Variants in GABRB3 observed in about 807,000 individuals in gnomAD.
GABRB3 encodes gamma-aminobutyric acid receptor subunit beta-3.
A neutral mutation model predicts 52.1 loss-of-function variants in GABRB3; 14 were observed. The observed-to-expected ratio is 0.27, with a 90% CI of 0.18 to 0.42. The LOEUF (loss-of-function observed/expected upper bound fraction) is 0.42, where lower values mean the gene tolerates loss of function less well. GABRB3 is among the 10% of genes least tolerant of loss of function. The pLI is 1.00. For missense variants in GABRB3, 307 were observed against 609.1 expected, an observed-to-expected ratio of 0.50 and a Z score of 5.22; for synonymous variants, 260 against 232.3, an observed-to-expected ratio of 1.12 and a Z score of -1.08.
intron 3 of GABRB3, among the ~76,000 whole-genome samples, chr15:26,748,993 C>G (rs1233135012): frequency 1.3e-5 from 2 of 151,638 alleles, no homozygotes; most frequent in African/African-American, 4.8e-5. Context: ...TTACTGCACT[C>G]CAGCCTGGGC....
chr15:26,717,824 T>G lies in GABRB3; in HGVS notation c.240+54578A>C, dbSNP rs2140138483. Among the ~76,000 whole-genome samples the G allele has an allele frequency of 1.3e-5, 2 of 152,334 alleles. 1 individual carries two copies. The highest frequency in any genetic ancestry group is 4.1e-4 in the South Asian group (2 of 4,820). On this transcript the variant is annotated intron_variant, in intron 3 of 8. Transcript: ENST00000311550. ...GGTATTTGGCGTTAACCAAGAGAAC[T>G]CAACAGCTGTAACAAATCCAAGCAT...
At chr15:26,627,957 T>C (rs1198590555) in intron 3 of GABRB3, among the ~76,000 whole-genome samples, 3 of 152,222 alleles carry the variant, frequency 2.0e-5, no homozygotes, top group Admixed American at 1.3e-4. Flanking sequence ...AATTTCATTG[T>C]TGTCTTAAAC....
At chr15:26,690,260 G>A (rs1021729975) in intron 3 of GABRB3, among the ~76,000 whole-genome samples, 3 of 151,790 alleles carry the variant, frequency 2.0e-5, no homozygotes, top group Non-Finnish European at 4.4e-5. Flanking sequence ...TAAACTTTTT[G>A]TAGTGACAGG....
chr15:26,716,560 TCAC>T, intron 3 of GABRB3: 2 of 991,344 alleles, frequency 2.0e-6, no homozygotes, highest in Non-Finnish European at 2.4e-6. Flanking sequence ...TAAACCGTCT[TCAC>T]CAACTTCTCA....
At chr15:26,661,056 G>A (rs147353912) in intron 3 of GABRB3, among the ~76,000 whole-genome samples, 16 of 152,106 alleles carry the variant, frequency 1.1e-4, no homozygotes, top group African/African-American at 3.9e-4. Flanking sequence ...AAAATCCTGG[G>A]ATGACAGGTT....
At chr15:26,661,092 A>G (rs77597228) in intron 3 of GABRB3, among the ~76,000 whole-genome samples, 2 of 146,248 alleles carry the variant, frequency 1.4e-5, no homozygotes, top group African/African-American at 5.4e-5. Flanking sequence ...AGCCAAGAAT[A>G]AAAAAAAAAT....
At chr15:26,650,510 C>T (rs1373737503) in intron 3 of GABRB3, among the ~76,000 whole-genome samples, 1 of 152,024 alleles carries the variant, frequency 6.6e-6, no homozygotes, top group Non-Finnish European at 1.5e-5. Context: ...TTGATAGCAA[C>T]AGGAGGCAGC....
intron 3 of GABRB3, among the ~76,000 whole-genome samples, chr15:26,760,805 G>GCACACACACACA (rs1555383013): frequency 5.7e-5 from 1 of 17,630 alleles, no homozygotes; most frequent in Admixed American, 6.5e-4. Flanking sequence ...ACACACACGC[G>GCACACACACACA]CACGCACACA....
intron 3 of GABRB3, chr15:26,629,085 G>T (rs1892827185): frequency 2.1e-5 from 32 of 1,535,978 alleles, no homozygotes; most frequent in Non-Finnish European, 2.8e-5. Flanking sequence ...ACCGGAAGTT[G>T]TGACTGTCGC....
At chr15:26,607,924 T>C (rs1279687358) in intron 4 of GABRB3, among the ~76,000 whole-genome samples, 1 of 152,024 alleles carries the variant, frequency 6.6e-6, no homozygotes, top group Non-Finnish European at 1.5e-5. Context: ...GTAATCCCTA[T>C]CAAAATTCTG....
At chr15:26,748,746 C>A (rs1348378037) in intron 3 of GABRB3, among the ~76,000 whole-genome samples, 1 of 151,358 alleles carries the variant, frequency 6.6e-6, no homozygotes, top group Non-Finnish European at 1.5e-5. Flanking sequence ...TTGGTTTGGG[C>A]TGGGCACAGG....
intron 3 of GABRB3, among the ~76,000 whole-genome samples, chr15:26,662,085 CA>C (rs1887569745): frequency 6.6e-6 from 1 of 152,186 alleles, no homozygotes. Flanking sequence ...CATCAAAACA[CA>C]ATCCCTTTGA....
Position 26,544,804 on chromosome 15 carries a change from C to T in GABRB3, c.*2989G>A, listed in dbSNP as rs1950052641. 6.6e-6 allele frequency: 1 copy of T among 152,624 alleles called. No homozygotes were observed. The highest frequency in any genetic ancestry group is 6.5e-5 in the Admixed American group (1 of 15,288). The allele number at this position is 152,624 out of a possible 1,614,324, so 9.5% of individuals were successfully genotyped here. ...TACTGAGAAAATTAACTCTTTATTA[C>T]TTTCAATTGTTAAGAAAGAAATCTC... On this transcript the variant is annotated 3_prime_UTR_variant, in exon 9 of 9. Transcript: ENST00000311550.
upstream of GABRB3, chr15:26,773,511 G>A (rs1891220454): frequency 2.2e-5 from 12 of 543,180 alleles, no homozygotes; most frequent in East Asian, 4.4e-4. Flanking sequence ...GGCCGCCGAA[G>A]TTGGCCCCGC....
At chr15:26,562,169 C>T (rs1890014265) in intron 7 of GABRB3, among the ~76,000 whole-genome samples, 1 of 152,152 alleles carries the variant, frequency 6.6e-6, no homozygotes, top group Non-Finnish European at 1.5e-5. Flanking sequence ...TTAAGTTACG[C>T]TGCGCTTACA....
At chr15:26,727,682 G>A (rs113908355) in intron 3 of GABRB3, among the ~76,000 whole-genome samples, 2,362 of 152,260 alleles carry the variant, frequency 0.016, 54 homozygotes, top group African/African-American at 0.054. Context: ...CTCAGCCATC[G>A]CTGTAGCCAG....
intron 3 of GABRB3, among the ~76,000 whole-genome samples, chr15:26,658,248 A>G (rs1317664785): frequency 6.6e-6 from 1 of 152,110 alleles, no homozygotes; most frequent in Non-Finnish European, 1.5e-5. Context: ...CCCCTTGCCC[A>G]CCAAACTATC....
At chr15:26,554,449 C>A (rs1404080124) in intron 8 of GABRB3, among the ~76,000 whole-genome samples, 1 of 151,776 alleles carries the variant, frequency 6.6e-6, no homozygotes, top group African/African-American at 2.4e-5. Flanking sequence ...GGAGGAATGT[C>A]TTTTCTTAAA....
In GABRB3 at chr15:26,772,949, G is replaced by A. The variant is rs1315237922; in HGVS notation, c.14C>T (p.Ala5Val). MWGL[A>V]GGRLFGIFSA... ...GAAGATGCCGAAAAGCCTTCCTCCCGCAAGGCCCCACATCCCTCCGCCGCG... is the reference window on the plus strand; with the variant it reads ...GAAGATGCCGAAAAGCCTTCCTCCCACAAGGCCCCACATCCCTCCGCCGCG... Residue 5 changes from alanine to valine, a missense_variant, in exon 1 of 9, where the codon GCG becomes GTG. This residue lies in a region of GABRB3 where 90 missense variants were observed against 86.4 expected (regional missense o/e 1.04). Transcript: ENST00000311550. 6 of 1,471,044 alleles carry A rather than the reference G, an allele frequency of 4.1e-6. No homozygotes were observed. The highest frequency in any genetic ancestry group is 1.3e-5 in the South Asian group (1 of 78,390). 91.1% of individuals were successfully genotyped at this position (1,471,044 alleles called of 1,614,324 possible).
Sources: gnomAD v4.1 joint callset for allele counts (sites outside exome capture counted in the v4.1 genomes callset) on GRCh38, gnomAD v4.1.1 for gene constraint, gnomAD v4.1.1 regional missense constraint, MANE v1.5 for transcripts, NCBI Gene and HGNC (gene_info 2026-07-23, HGNC 2026-07-21) for gene names.